Variants in ATP2C2 observed in about 807,000 individuals in gnomAD.
ATP2C2 encodes the protein calcium-transporting ATPase type 2C member 2.
In ATP2C2, 171 loss-of-function variants were observed where a neutral mutation model predicts 110.8. The observed-to-expected ratio is 1.54, with a 90% CI of 1.36 to 1.75. The LOEUF (loss-of-function observed/expected upper bound fraction) is 1.75, where lower values mean the gene tolerates loss of function less well. Ranked by LOEUF, ATP2C2 falls within the 40% of genes most tolerant of loss-of-function variation. The pLI is 0.00. For missense variants in ATP2C2, 1,963 were observed against 1,235.0 expected, an observed-to-expected ratio of 1.59 and a Z score of -8.84; for synonymous variants, 804 against 508.4, an observed-to-expected ratio of 1.58 and a Z score of -7.82.
chr16:84,455,070 AG>A (rs3085209), intron 21 of ATP2C2, 86 bp downstream of exon 21: 133 of 1,198,952 alleles, frequency 1.1e-4, no homozygotes, highest in East Asian at 3.7e-4. Context: ...GTGGAGATAG[AG>A]GGGGGGGTCT....
At chr16:84,433,035 A>C (rs1040120857) in intron 11 of ATP2C2, among the ~76,000 whole-genome samples, 2 of 152,142 alleles carry the variant, frequency 1.3e-5, no homozygotes, top group African/African-American at 4.8e-5. Flanking sequence ...TTTGAGCCTC[A>C]AGGAGGCTGC....
At position 84,459,196 on chromosome 16, in the gene ATP2C2, G is replaced by C. The variant is rs752431867; in HGVS notation, c.2216+8G>C. On this transcript the variant is annotated splice_region_variant and intron_variant, in intron 22 of 26. Coordinates refer to ENST00000262429, the MANE Select transcript of ATP2C2 (RefSeq NM_014861.4). ...CCGATTCCAGCTGAGCACGTAAGTAGAGGCCAGCATTCCGAGTGTCATTAA... is the reference window on the plus strand; with the variant it reads ...CCGATTCCAGCTGAGCACGTAAGTACAGGCCAGCATTCCGAGTGTCATTAA... 6.2e-7 allele frequency: 1 copy of C among 1,614,236 alleles called. No homozygotes were observed.
At chr16:84,441,385 A>T (rs1238724973) in intron 14 of ATP2C2, among the ~76,000 whole-genome samples, 1 of 152,210 alleles carries the variant, frequency 6.6e-6, no homozygotes, top group African/African-American at 2.4e-5. Flanking sequence ...ATGAATGGTA[A>T]AAAGTGAGCC....
At chr16:84,439,142 G>A (rs1438595903) in intron 11 of ATP2C2, 24 bp from the exon 12 acceptor site, 2 of 1,611,646 alleles carry the variant, frequency 1.2e-6, no homozygotes, top group East Asian at 4.5e-5. Context: ...TGTTAGAGGG[G>A]ACTCATTTGA....
intron 11 of ATP2C2, among the ~76,000 whole-genome samples, chr16:84,428,827 T>C (rs1567717129): frequency 6.6e-6 from 1 of 152,226 alleles, no homozygotes; most frequent in African/African-American, 2.4e-5. Context: ...TAATAGTCTT[T>C]AGGTTTTAGC....
intron 11 of ATP2C2, among the ~76,000 whole-genome samples, chr16:84,426,313 G>A (rs1044960314): frequency 1.3e-5 from 2 of 152,078 alleles, no homozygotes; most frequent in Non-Finnish European, 2.9e-5. Context: ...AGAACGGCTC[G>A]AAGGAGATGG....
At chr16:84,402,559 C>T (rs569278708) in intron 2 of ATP2C2, among the ~76,000 whole-genome samples, 1 of 152,202 alleles carries the variant, frequency 6.6e-6, no homozygotes, top group South Asian at 2.1e-4. Context: ...TTGAAATGAT[C>T]ATATGGTTTT....
intron 23 of ATP2C2, 94 bp from the exon 24 acceptor site, chr16:84,460,560 C>A: frequency 6.3e-7 from 1 of 1,578,576 alleles, no homozygotes; most frequent in Non-Finnish European, 8.7e-7. Context: ...CCCCCTGTGC[C>A]AACTTGGCCT....
At position 84,459,365 on chromosome 16, in the gene ATP2C2, T is replaced by C. The variant is rs773598418; in HGVS notation, c.2312T>C (p.Met771Thr). The change falls in exon 23 of 27, where the codon ATG (methionine) becomes ACG (threonine). Residue 771 changes from methionine to threonine, a missense_variant. Coordinates refer to ENST00000262429, the MANE Select transcript of ATP2C2 (RefSeq NM_014861.4). ...CAGATCCTATGGATCAACATCATCA[T>C]GGATGGGCCACCGGCGCAGAGGTGA... ...AMQILWINIIMDGPPAQSLGV... is the reference protein window; with the variant it reads ...AMQILWINIITDGPPAQSLGV... The C allele has an allele frequency of 1.9e-6, 3 of 1,614,168 alleles. No homozygotes were observed. The highest frequency in any genetic ancestry group is 4.5e-5 in the East Asian group (2 of 44,880).
chr16:84,418,991 C>T (rs11644628), intron 7 of ATP2C2, among the ~76,000 whole-genome samples: 18,558 of 151,742 alleles, frequency 0.12, 1,243 homozygotes, highest in South Asian at 0.23. Flanking sequence ...GGTGGATCAC[C>T]TGAGGTCAGG....
intron 7 of ATP2C2, among the ~76,000 whole-genome samples, chr16:84,419,970 C>A (rs1907181059): frequency 2.0e-5 from 3 of 152,154 alleles, no homozygotes; most frequent in Admixed American, 1.3e-4. Context: ...CGCAAAACAG[C>A]CGTTTTAGGC....
chr16:84,404,745 T>A, intron 2 of ATP2C2: 1 of 356,436 alleles, frequency 2.8e-6, no homozygotes, highest in Non-Finnish European at 5.4e-6. Context: ...AGCTCCCTTT[T>A]TAATTTTTTG....
rs935389646 is a variant in ATP2C2 at position 84,378,260 on chromosome 16, G to C, written c.99+9546G>C. On this transcript the variant is annotated intron_variant, in intron 1 of 26. Transcript: ENST00000262429. Reference sequence around the variant, plus strand: ...TCTGGGGGCTCTGGGCGTAGGGGAAGGAGTGTTGGTCTGAGTGGCCACTCT... The same window carrying C: ...TCTGGGGGCTCTGGGCGTAGGGGAACGAGTGTTGGTCTGAGTGGCCACTCT... Among the ~76,000 whole-genome samples the C allele has an allele frequency of 6.6e-5, 10 of 152,310 alleles. No individual in the cohort carries two copies. In the East Asian group the frequency reaches 1.5e-3, roughly 23 times the overall value.
chr16:84,446,712 A>G (rs1206040693), intron 16 of ATP2C2, among the ~76,000 whole-genome samples: 4 of 152,186 alleles, frequency 2.6e-5, no homozygotes, highest in Non-Finnish European at 4.4e-5. Flanking sequence ...GTTCCATGCC[A>G]GACCTCCTGA....
chr16:84,384,169 C>G (rs1156566017), intron 1 of ATP2C2, among the ~76,000 whole-genome samples: 1 of 152,230 alleles, frequency 6.6e-6, no homozygotes, highest in Non-Finnish European at 1.5e-5. Flanking sequence ...ACATGACCAT[C>G]CAGTCCACAA....
intron 7 of ATP2C2, among the ~76,000 whole-genome samples, chr16:84,421,226 G>C (rs1424893740): frequency 2.0e-5 from 3 of 152,218 alleles, no homozygotes; most frequent in Non-Finnish European, 2.9e-5. Context: ...CAGAGCTGGA[G>C]CCGCGGGAGC....
intron 6 of ATP2C2, 137 bp from the exon 7 acceptor site, chr16:84,415,346 A>G: frequency 4.2e-6 from 3 of 715,836 alleles, no homozygotes; most frequent in South Asian, 3.4e-5. Context: ...TTTCAAAATA[A>G]TAACACCCCA....
In ATP2C2 at chr16:84,461,100, GT is replaced by G. The variant is rs571644849; in HGVS notation, c.2481+300del. On this transcript the variant is annotated intron_variant, in intron 24 of 26. Transcript: ENST00000262429. ...AGGACAGGCTGCCCCCTGTTCCCTT[GT>G]CACCAGGAAACAATTTGAAATCTGC... 10 of 394,904 alleles carry G rather than the reference GT, an allele frequency of 2.5e-5. No individual in the cohort carries two copies. The East Asian group carries it at 4.5e-4, about 18-fold the overall frequency. 24.5% of individuals were successfully genotyped at this position (394,904 alleles called of 1,614,324 possible).
intron 11 of ATP2C2, chr16:84,438,903 A>G: frequency 2.8e-6 from 1 of 358,584 alleles, no homozygotes. Context: ...GAGGCAAAAC[A>G]GCTGACAGAC....
Sources: allele counts gnomAD v4.1 joint callset (sites outside exome capture counted in the v4.1 genomes callset), GRCh38; gene constraint gnomAD v4.1.1; transcripts MANE v1.5; gene names NCBI Gene and HGNC (gene_info 2026-07-23, HGNC 2026-07-21).